NDRG3: variants seen among roughly 807,000 people sequenced by gnomAD.
NDRG3 encodes NDRG family member 3.
NDRG3 carries 23 observed loss-of-function variants against 57.2 expected under a neutral mutation model. That is an observed-to-expected ratio of 0.40 (90% CI 0.29 to 0.57). The LOEUF is 0.57. Among genes scored for constraint, NDRG3 ranks in the 20% least tolerant of loss-of-function variants. NDRG3 has a pLI of 0.42. For synonymous variants in NDRG3, 132 were observed against 162.6 expected (o/e 0.81, Z 1.43); for missense variants, 384 against 457.3 (o/e 0.84, Z 1.46).
At position 36,723,658 on chromosome 20, in the gene NDRG3, TA is replaced by T. The variant is rs1275600571; in HGVS notation, c.-48-1876del. ...AGAAAGCCTTCAAAAGATATTAGTC[TA>T]GTGTGTGTGTGTGTGTGTGTGTGTG... On this transcript the variant is annotated intron_variant, in intron 1 of 15. Coordinates refer to ENST00000349004, the MANE Select transcript of NDRG3 (RefSeq NM_032013.4). Among the ~76,000 whole-genome samples the T allele has an allele frequency of 4.9e-5, 5 of 102,144 alleles. No individual in the cohort carries two copies. The East Asian group carries it at 1.1e-3, about 23-fold the overall frequency. The allele number at this position is 102,144 out of a possible 152,430, so 67.0% of individuals were successfully genotyped here.
At chr20:36,680,062 G>C (rs1459824332) in intron 8 of NDRG3, among the ~76,000 whole-genome samples, 1 of 151,352 alleles carries the variant, frequency 6.6e-6, no homozygotes, top group East Asian at 2.0e-4. Context: ...GACCTCAGGT[G>C]ATCTTCCCGC....
intron 1 of NDRG3, among the ~76,000 whole-genome samples, chr20:36,735,222 T>C (rs983030610): frequency 6.6e-6 from 1 of 152,158 alleles, no homozygotes; most frequent in Non-Finnish European, 1.5e-5. Flanking sequence ...TGAGCATCTC[T>C]AATCTGAAAA....
At chr20:36,654,012 T>C (rs1978436066) in intron 15 of NDRG3, among the ~76,000 whole-genome samples, 1 of 152,178 alleles carries the variant, frequency 6.6e-6, no homozygotes, top group South Asian at 2.1e-4. Flanking sequence ...AATGGAGGCT[T>C]TGGGAACCCA....
chr20:36,708,143 A>G (rs1983652783), intron 2 of NDRG3, among the ~76,000 whole-genome samples: 1 of 152,046 alleles, frequency 6.6e-6, no homozygotes, highest in African/African-American at 2.4e-5. Context: ...GAAAACTTCT[A>G]CTTGATTTTT....
intron 13 of NDRG3, among the ~76,000 whole-genome samples, chr20:36,658,195 A>C (rs1323497413): frequency 1.3e-5 from 2 of 152,128 alleles, no homozygotes; most frequent in African/African-American, 4.8e-5. Flanking sequence ...GCAATGGTGC[A>C]ATCTTGGCTC....
chr20:36,737,731 A>C (rs907250658), intron 1 of NDRG3, among the ~76,000 whole-genome samples: 4 of 152,106 alleles, frequency 2.6e-5, no homozygotes, highest in African/African-American at 9.7e-5. Flanking sequence ...TAATCCTTCT[A>C]ATGCATATTC....
intron 13 of NDRG3, among the ~76,000 whole-genome samples, chr20:36,657,064 G>A (rs895095709): frequency 6.6e-6 from 1 of 152,178 alleles, no homozygotes; most frequent in Non-Finnish European, 1.5e-5. Flanking sequence ...ATTCTCACGT[G>A]TGCAAGGATT....
At chr20:36,711,801 C>T (rs1160213979) in intron 2 of NDRG3, among the ~76,000 whole-genome samples, 6 of 152,178 alleles carry the variant, frequency 3.9e-5, no homozygotes, top group East Asian at 3.8e-4. Flanking sequence ...TTTTTTGAGA[C>T]GGAGTCTCGC....
At chr20:36,731,014 G>C (rs934011782) in intron 1 of NDRG3, among the ~76,000 whole-genome samples, 5 of 151,988 alleles carry the variant, frequency 3.3e-5, no homozygotes, top group African/African-American at 1.2e-4. Context: ...AAAGTTTTCA[G>C]TTGGGGAGAT....
chr20:36,656,215 A>G (rs1978653477), intron 15 of NDRG3, 145 bp downstream of exon 15: 2 of 657,450 alleles, frequency 3.0e-6, no homozygotes, highest in Non-Finnish European at 5.2e-6. Context: ...CGGACAAATG[A>G]ATGTTCCATA....
At chr20:36,697,207 G>A (rs919123761) in intron 3 of NDRG3, among the ~76,000 whole-genome samples, 1 of 152,104 alleles carries the variant, frequency 6.6e-6, no homozygotes, top group African/African-American at 2.4e-5. Context: ...CTGGCAGCTG[G>A]TGTTTTTTGT....
chr20:36,705,238 T>C (rs1420526826), intron 3 of NDRG3, among the ~76,000 whole-genome samples: 1 of 151,244 alleles, frequency 6.6e-6, no homozygotes, highest in Non-Finnish European at 1.5e-5. Flanking sequence ...GGAGAATCGC[T>C]TGAATCCAGG....
At chr20:36,714,898 C>T (rs2148185397) in intron 2 of NDRG3, among the ~76,000 whole-genome samples, 1 of 150,472 alleles carries the variant, frequency 6.6e-6, no homozygotes, top group South Asian at 2.1e-4. Flanking sequence ...CAGGCATGAG[C>T]CACCGCGCCA....
At chr20:36,732,746 G>A (rs888439369) in intron 1 of NDRG3, among the ~76,000 whole-genome samples, 5 of 152,112 alleles carry the variant, frequency 3.3e-5, no homozygotes, top group African/African-American at 1.2e-4. Context: ...AAATAAGCAG[G>A]AGGGTACACT....
intron 1 of NDRG3, among the ~76,000 whole-genome samples, chr20:36,724,814 G>C (rs1984823267): frequency 6.6e-6 from 1 of 151,874 alleles, no homozygotes; most frequent in African/African-American, 2.4e-5. Context: ...TGTAATTCCA[G>C]CTACTCCAGC....
intron 3 of NDRG3, among the ~76,000 whole-genome samples, chr20:36,702,765 C>G (rs1384656052): frequency 2.6e-5 from 4 of 151,738 alleles, no homozygotes; most frequent in Non-Finnish European, 5.9e-5. Flanking sequence ...CTCGGCTCAC[C>G]TCAACCTCCA....
chr20:36,704,653 A>T (rs1464564874), intron 3 of NDRG3, among the ~76,000 whole-genome samples: 2 of 152,198 alleles, frequency 1.3e-5, no homozygotes, highest in African/African-American at 4.8e-5. Flanking sequence ...ACTATTTATT[A>T]AAAAATAACG....
At position 36,741,975 on chromosome 20, in the gene NDRG3, TTGTC is replaced by T. The variant is rs1265565739; in HGVS notation, c.-49+4066_-49+4069del. Among the ~76,000 whole-genome samples, 12 of 152,350 alleles carry T rather than the reference TTGTC, an allele frequency of 7.9e-5. No homozygotes were observed. In the East Asian group the frequency reaches 1.9e-3, roughly 24 times the overall value. ...GTTAAACATGGCAGGCACTGCTATC[TTGTC>T]TGTTTTATCAGCCCCGATTCAAAAT... On this transcript the variant is annotated intron_variant, in intron 1 of 15. Transcript: ENST00000349004.
At chr20:36,694,888 G>C (rs1160912359) in intron 3 of NDRG3, among the ~76,000 whole-genome samples, 2 of 152,058 alleles carry the variant, frequency 1.3e-5, no homozygotes, top group Non-Finnish European at 2.9e-5. Context: ...CTCTCAAGTA[G>C]CTGGGACCAT....
Sources: allele counts gnomAD v4.1 joint callset (sites outside exome capture counted in the v4.1 genomes callset), GRCh38; gene constraint gnomAD v4.1.1; transcripts MANE v1.5; gene names NCBI Gene and HGNC (gene_info 2026-07-23, HGNC 2026-07-21).